AKAP6: variants seen among roughly 807,000 people sequenced by gnomAD.
The protein encoded by AKAP6 is A-kinase anchor protein 6.
Under a neutral mutation model 188.5 loss-of-function variants are expected in AKAP6, and 58 were observed. That is an observed-to-expected ratio of 0.31 (90% CI 0.25 to 0.38). The LOEUF (loss-of-function observed/expected upper bound fraction) is 0.38. Ranked by LOEUF, AKAP6 falls within the 10% of genes least tolerant of loss-of-function variation. The pLI, the probability that AKAP6 is intolerant of heterozygous loss-of-function variation, is 1.00. For synonymous variants in AKAP6, 989 were observed against 998.6 expected, an observed-to-expected ratio of 0.99 and a Z score of 0.18; for missense variants, 2,710 against 2,740.0, an observed-to-expected ratio of 0.99 and a Z score of 0.24.
intron 1 of AKAP6, among the ~76,000 whole-genome samples, chr14:32,370,973 C>A (rs1002460704): frequency 1.3e-5 from 2 of 152,074 alleles, no homozygotes; most frequent in Non-Finnish European, 2.9e-5. Flanking sequence ...ACAGATCATC[C>A]TTTTTAAACT....
intron 1 of AKAP6, among the ~76,000 whole-genome samples, chr14:32,329,980 A>T (rs1196283291): frequency 2.0e-5 from 3 of 152,124 alleles, no homozygotes; most frequent in Admixed American, 1.3e-4. Flanking sequence ...ACCAAATGAA[A>T]TTATTTGAGC....
intron 7 of AKAP6, among the ~76,000 whole-genome samples, chr14:32,626,288 A>G (rs757396489): frequency 6.6e-6 from 1 of 152,092 alleles, no homozygotes; most frequent in East Asian, 1.9e-4. Flanking sequence ...CCCCAACCCC[A>G]GTGGTCTTTC....
At chr14:32,813,742 C>T (rs1379936790) in intron 12 of AKAP6, among the ~76,000 whole-genome samples, 1 of 152,082 alleles carries the variant, frequency 6.6e-6, no homozygotes, top group East Asian at 1.9e-4. Context: ...GAAAAGAAAT[C>T]CTTATATTTT....
intron 7 of AKAP6, among the ~76,000 whole-genome samples, chr14:32,608,148 G>A (rs1324824226): frequency 6.6e-6 from 1 of 152,058 alleles, no homozygotes; most frequent in African/African-American, 2.4e-5. Context: ...GAAAAAAATG[G>A]TTGGGAAAAT....
At chr14:32,599,801 G>A (rs1232731994) in intron 6 of AKAP6, among the ~76,000 whole-genome samples, 1 of 152,052 alleles carries the variant, frequency 6.6e-6, no homozygotes, top group African/African-American at 2.4e-5. Context: ...TTTTGATGTA[G>A]GTGCTCTGGA....
chr14:32,771,468 G>A (rs1229022851), intron 11 of AKAP6, among the ~76,000 whole-genome samples: 2 of 151,900 alleles, frequency 1.3e-5, no homozygotes, highest in African/African-American at 4.8e-5. Flanking sequence ...GATAGGAGTG[G>A]GGATCACCTA....
chr14:32,722,892 C>T (rs957726419), intron 9 of AKAP6, among the ~76,000 whole-genome samples: 2 of 152,184 alleles, frequency 1.3e-5, no homozygotes, highest in African/African-American at 2.4e-5. Context: ...GCTGACTCTT[C>T]GCTAAGCTGT....
At chr14:32,698,915 C>A (rs141789541) in intron 9 of AKAP6, among the ~76,000 whole-genome samples, 1 of 152,000 alleles carries the variant, frequency 6.6e-6, no homozygotes. Context: ...AGAGCAGGAC[C>A]GAATCTTTAT....
At chr14:32,609,096 G>A (rs74041640) in intron 7 of AKAP6, among the ~76,000 whole-genome samples, 10 of 152,236 alleles carry the variant, frequency 6.6e-5, no homozygotes, top group Middle Eastern at 3.4e-3. Flanking sequence ...GGATTACTCC[G>A]CTCTGGCTTT....
chr14:32,378,459 A>G (rs1484579259), intron 1 of AKAP6, among the ~76,000 whole-genome samples: 2 of 152,212 alleles, frequency 1.3e-5, no homozygotes, highest in Non-Finnish European at 2.9e-5. Context: ...TGAAGTCCAT[A>G]TATGATCTTT....
chr14:32,711,696 G>C (rs917534243), intron 9 of AKAP6, among the ~76,000 whole-genome samples: 4 of 151,988 alleles, frequency 2.6e-5, no homozygotes, highest in African/African-American at 9.7e-5. Flanking sequence ...CCTCATCTCA[G>C]TGCCCCAGTT....
intron 1 of AKAP6, among the ~76,000 whole-genome samples, chr14:32,363,616 T>C (rs1351226298): frequency 6.6e-6 from 1 of 152,210 alleles, no homozygotes; most frequent in African/African-American, 2.4e-5. Context: ...GGGAGAAAGA[T>C]GAAGGCCAGA....
intron 13 of AKAP6, among the ~76,000 whole-genome samples, chr14:32,827,709 A>G (rs900128117): frequency 3.9e-5 from 6 of 152,230 alleles, no homozygotes; most frequent in African/African-American, 1.4e-4. Context: ...TGGAGGAAGC[A>G]CATAATGTAT....
intron 8 of AKAP6, among the ~76,000 whole-genome samples, chr14:32,694,633 G>A (rs1890325393): frequency 6.6e-6 from 1 of 152,116 alleles, no homozygotes; most frequent in Admixed American, 6.6e-5. Context: ...CAATGTTGAT[G>A]CTTGCCCTTG....
At chr14:32,786,421 C>G (rs1194941202) in intron 12 of AKAP6, among the ~76,000 whole-genome samples, 6 of 149,896 alleles carry the variant, frequency 4.0e-5, no homozygotes, top group Admixed American at 1.3e-4. Flanking sequence ...CATTCTCCTG[C>G]CCCAGCCTCC....
At chr14:32,680,235 C>T (rs959286675) in intron 8 of AKAP6, among the ~76,000 whole-genome samples, 1 of 152,156 alleles carries the variant, frequency 6.6e-6, no homozygotes, top group Admixed American at 6.5e-5. Context: ...TTTAAGAGTG[C>T]ACTGAAAGAA....
intron 7 of AKAP6, among the ~76,000 whole-genome samples, chr14:32,609,162 C>T (rs941052727): frequency 6.6e-6 from 1 of 152,132 alleles, no homozygotes; most frequent in African/African-American, 2.4e-5. Flanking sequence ...CAAATGTACA[C>T]ACACCTGCAC....
intron 5 of AKAP6, among the ~76,000 whole-genome samples, chr14:32,588,809 A>G (rs777488925): frequency 5.3e-5 from 8 of 152,170 alleles, no homozygotes; most frequent in Non-Finnish European, 1.2e-4. Flanking sequence ...AGATATATGC[A>G]TGCATTTATC....
At chr14:32,398,327 C>T (rs1193741138) in intron 1 of AKAP6, among the ~76,000 whole-genome samples, 1 of 152,168 alleles carries the variant, frequency 6.6e-6, no homozygotes, top group Admixed American at 6.5e-5. Flanking sequence ...TCCTCTAAGC[C>T]TCTGTTTAAA....
Sources: allele counts gnomAD v4.1 joint callset (sites outside exome capture counted in the v4.1 genomes callset), GRCh38; gene constraint gnomAD v4.1.1; transcripts MANE v1.5; gene names NCBI Gene and HGNC (gene_info 2026-07-23, HGNC 2026-07-21).